Variants in EPHA6 observed in about 807,000 individuals in gnomAD.
EPHA6 encodes EPH receptor A6, also known as ephrin type-A receptor 6.
In EPHA6, 50 loss-of-function variants were observed where a neutral mutation model predicts 112.0. That is an observed-to-expected ratio of 0.45 (90% CI 0.36 to 0.56). EPHA6 has a LOEUF of 0.56. EPHA6 is among the 20% of genes least tolerant of loss of function. EPHA6 has a pLI of 0.00. For synonymous variants in EPHA6, 529 were observed against 490.7 expected (o/e 1.08, Z -1.03); for missense variants, 1,280 against 1,417.4 (o/e 0.90, Z 1.56).
chr3:97,469,686 G>A (rs776007788), intron 7 of EPHA6, among the ~76,000 whole-genome samples: 2 of 151,622 alleles, frequency 1.3e-5, no homozygotes, highest in African/African-American at 4.8e-5. Context: ...TGAGTCCAAG[G>A]TTTCTTGCCT....
At chr3:97,152,442 A>G (rs1433336112) in intron 3 of EPHA6, among the ~76,000 whole-genome samples, 2 of 149,196 alleles carry the variant, frequency 1.3e-5, no homozygotes, top group Admixed American at 6.7e-5. Context: ...AATAATATAT[A>G]TTAAATATTT....
chr3:97,064,796 C>A (rs765109910), intron 3 of EPHA6, among the ~76,000 whole-genome samples: 20 of 152,124 alleles, frequency 1.3e-4, no homozygotes, highest in Non-Finnish European at 2.5e-4. Flanking sequence ...GGTCCACTCC[C>A]CTTTTTCTCA....
chr3:97,586,296 G>T (rs998749115), intron 11 of EPHA6, among the ~76,000 whole-genome samples: 1 of 152,196 alleles, frequency 6.6e-6, no homozygotes, highest in Non-Finnish European at 1.5e-5. Context: ...GCCCAAGACT[G>T]CATGTTTTCA....
At chr3:97,170,815 T>G (rs1385317663) in intron 3 of EPHA6, among the ~76,000 whole-genome samples, 2 of 152,106 alleles carry the variant, frequency 1.3e-5, no homozygotes, top group Admixed American at 1.3e-4. Flanking sequence ...TCCAAGGAGT[T>G]ATACATATGC....
intron 3 of EPHA6, among the ~76,000 whole-genome samples, chr3:96,989,635 G>T (rs1008498223): frequency 1.3e-5 from 2 of 152,054 alleles, no homozygotes; most frequent in Non-Finnish European, 2.9e-5. Flanking sequence ...GGCTTAACAG[G>T]AAGCACTACT....
intron 3 of EPHA6, among the ~76,000 whole-genome samples, chr3:97,062,050 T>A (rs993160760): frequency 6.6e-6 from 1 of 152,192 alleles, no homozygotes; most frequent in Non-Finnish European, 1.5e-5. Context: ...AGTGACTATA[T>A]AGCTTCATTG....
chr3:97,564,017 A>G (rs1029532974), intron 11 of EPHA6, among the ~76,000 whole-genome samples: 1 of 152,194 alleles, frequency 6.6e-6, no homozygotes, highest in African/African-American at 2.4e-5. Flanking sequence ...ATAAAGGGAC[A>G]TGAAATGTTT....
At chr3:97,733,024 C>T (rs148000861) in intron 15 of EPHA6, among the ~76,000 whole-genome samples, 327 of 152,160 alleles carry the variant, frequency 2.1e-3, no homozygotes, top group Non-Finnish European at 3.8e-3. Context: ...GCCGGGACCA[C>T]ATGCTCTACT....
intron 3 of EPHA6, among the ~76,000 whole-genome samples, chr3:97,045,528 A>G (rs1672169505): frequency 6.6e-6 from 1 of 151,850 alleles, no homozygotes; most frequent in Non-Finnish European, 1.5e-5. Flanking sequence ...CTTTCTTTCA[A>G]TAGAAAGAAA....
intron 1 of EPHA6, among the ~76,000 whole-genome samples, chr3:96,817,536 A>G (rs1286101044): frequency 6.6e-6 from 1 of 151,966 alleles, no homozygotes; most frequent in Non-Finnish European, 1.5e-5. Flanking sequence ...AGTATTGAGA[A>G]GATAGTTTTA....
At chr3:96,829,165 A>G in intron 1 of EPHA6, among the ~76,000 whole-genome samples, 1 of 152,166 alleles carries the variant, frequency 6.6e-6, no homozygotes, top group Admixed American at 6.6e-5. Flanking sequence ...TCTGTTTATC[A>G]AGAACTTTTG....
chr3:97,391,212 T>C (rs985809691), intron 5 of EPHA6, among the ~76,000 whole-genome samples: 1 of 151,998 alleles, frequency 6.6e-6, no homozygotes, highest in African/African-American at 2.4e-5. Flanking sequence ...TGTGCTTATA[T>C]GGTGTCATAG....
At chr3:97,542,288 C>G (rs1388778511) in intron 11 of EPHA6, among the ~76,000 whole-genome samples, 1 of 152,102 alleles carries the variant, frequency 6.6e-6, no homozygotes, top group African/African-American at 2.4e-5. Context: ...TGTTTCCCTT[C>G]CTGTGTCCAT....
chr3:97,225,867 A>G (rs2078339229), intron 3 of EPHA6, among the ~76,000 whole-genome samples: 1 of 152,220 alleles, frequency 6.6e-6, no homozygotes, highest in Non-Finnish European at 1.5e-5. Flanking sequence ...GAATGTAAAT[A>G]CATTTTGAAC....
intron 14 of EPHA6, among the ~76,000 whole-genome samples, chr3:97,677,715 C>G (rs2031517767): frequency 7.4e-6 from 1 of 134,234 alleles, no homozygotes; most frequent in South Asian, 2.4e-4. Context: ...GAACGAAACT[C>G]CATCTTAAAA....
At chr3:96,897,243 T>C (rs537843856) in intron 2 of EPHA6, among the ~76,000 whole-genome samples, 85 of 143,822 alleles carry the variant, frequency 5.9e-4, no homozygotes, top group Middle Eastern at 3.5e-3. Context: ...CACACACACA[T>C]ACTGTTTATC....
At chr3:96,867,019 G>A in intron 2 of EPHA6, 130 bp downstream of exon 2, 1 of 462,082 alleles carries the variant, frequency 2.2e-6, no homozygotes. Context: ...CCATAGAAAA[G>A]GTTAAAATAC....
At chr3:97,747,839 G>A (rs961385292) in intron 17 of EPHA6, among the ~76,000 whole-genome samples, 1 of 151,966 alleles carries the variant, frequency 6.6e-6, no homozygotes, top group Non-Finnish European at 1.5e-5. Context: ...TAGACTTTAT[G>A]TCAACTTAAT....
At position 96,928,912 on chromosome 3, in the gene EPHA6, T is replaced by A. The variant is rs532197460; in HGVS notation, c.451-58418T>A. Among the ~76,000 whole-genome samples the A allele has an allele frequency of 5.9e-5, 9 of 152,296 alleles. No individual in the cohort carries two copies. In the South Asian group the frequency reaches 1.9e-3, roughly 32 times the overall value. The stretch of plus-strand genomic sequence containing the variant: ...TTTTTTTATCTTTGTTGGTTTAAAG[T>A]CTTTTGTCAAAAACTAGGATTATAA... On this transcript the variant is annotated intron_variant, in intron 2 of 17. Coordinates refer to ENST00000389672, the MANE Select transcript of EPHA6 (RefSeq NM_001080448.3).
Sources: allele counts gnomAD v4.1 joint callset (sites outside exome capture counted in the v4.1 genomes callset), GRCh38; gene constraint gnomAD v4.1.1; transcripts MANE v1.5; gene names NCBI Gene and HGNC (gene_info 2026-07-23, HGNC 2026-07-21).